The following ZMYND11 variants were observed in gnomAD, a reference collection of about 807,000 sequenced individuals.
ZMYND11 encodes zinc finger MYND domain-containing protein 11.
A neutral mutation model predicts 84.9 loss-of-function variants in ZMYND11; 9 were observed. The observed-to-expected ratio is 0.11, with a 90% confidence interval of 0.06 to 0.18. The LOEUF (loss-of-function observed/expected upper bound fraction) is 0.18. Among genes scored for constraint, ZMYND11 ranks in the 10% least tolerant of loss-of-function variants. The probability of loss-of-function intolerance (pLI) is 1.00; values close to 1 mark genes in which losing one functional copy is unlikely to be tolerated. For missense variants in ZMYND11, 409 were observed against 761.0 expected (o/e 0.54, Z 5.44); for synonymous variants, 250 against 244.1 (o/e 1.02, Z -0.23).
In ZMYND11 at chr10:230,630, G is replaced by A. The variant is rs550859879; in HGVS notation, c.439-6208G>A. ...GTGAGCTATTGGTGACATTATTCTTGATTGTTAGAAGTCAGCAATTGATAT... is the reference window on the plus strand; with the variant it reads ...GTGAGCTATTGGTGACATTATTCTTAATTGTTAGAAGTCAGCAATTGATAT... On this transcript the variant is annotated intron_variant, in intron 4 of 14. Coordinates refer to ENST00000381604, the MANE Select transcript of ZMYND11 (RefSeq NM_001370100.5). Among the ~76,000 whole-genome samples the A allele has an allele frequency of 5.3e-5, 8 of 152,190 alleles. No individual in the cohort carries two copies. In the South Asian group the frequency reaches 1.7e-3, roughly 32 times the overall value.
chr10:199,291 C>G (rs1467792498), intron 2 of ZMYND11, among the ~76,000 whole-genome samples: 8 of 66,608 alleles, frequency 1.2e-4, no homozygotes, highest in African/African-American at 3.8e-4. Flanking sequence ...CCCTCCCTCC[C>G]TCACTCCCTC....
intron 2 of ZMYND11, 95 bp from the exon 3 acceptor site, chr10:209,794 C>A (rs1399528081): frequency 1.9e-5 from 23 of 1,228,418 alleles, no homozygotes; most frequent in Non-Finnish European, 2.5e-5. Context: ...AAATACAAGT[C>A]ATAATGAAAG....
At chr10:163,232 C>T (rs572251136) in intron 1 of ZMYND11, among the ~76,000 whole-genome samples, 2 of 152,234 alleles carry the variant, frequency 1.3e-5, no homozygotes, top group South Asian at 2.1e-4. Context: ...CCATCACCCC[C>T]CCACTACCTG....
At chr10:136,435 G>T (rs1423978738) in intron 1 of ZMYND11, among the ~76,000 whole-genome samples, 2 of 152,116 alleles carry the variant, frequency 1.3e-5, no homozygotes, top group African/African-American at 4.8e-5. Context: ...CGCAGTACCG[G>T]GGATTATATA....
At chr10:151,899 G>T (rs559678086) in intron 1 of ZMYND11, among the ~76,000 whole-genome samples, 2 of 152,296 alleles carry the variant, frequency 1.3e-5, no homozygotes, top group South Asian at 4.1e-4. Flanking sequence ...GAAGAGAGTG[G>T]GGACCAATAT....
chr10:153,808 A>T (rs929236642), intron 1 of ZMYND11, among the ~76,000 whole-genome samples: 1 of 152,216 alleles, frequency 6.6e-6, no homozygotes, highest in Non-Finnish European at 1.5e-5. Flanking sequence ...GTGTCGTTGT[A>T]AAACAAGCCA....
At chr10:207,742 A>T (rs566755203) in intron 2 of ZMYND11, among the ~76,000 whole-genome samples, 1 of 152,220 alleles carries the variant, frequency 6.6e-6, no homozygotes, top group Non-Finnish European at 1.5e-5. Flanking sequence ...TATAGATTCA[A>T]TGCCATCCCC....
chr10:177,398 A>T (rs1169551838), intron 1 of ZMYND11, among the ~76,000 whole-genome samples: 2 of 152,092 alleles, frequency 1.3e-5, no homozygotes, highest in African/African-American at 4.8e-5. Flanking sequence ...ATTACAAGGT[A>T]TGTTTATTTT....
At chr10:182,373 T>C (rs1848063593) in intron 2 of ZMYND11, among the ~76,000 whole-genome samples, 1 of 152,234 alleles carries the variant, frequency 6.6e-6, no homozygotes, top group Non-Finnish European at 1.5e-5. Flanking sequence ...TCTCCTTTCT[T>C]CATCAGCATA....
intron 2 of ZMYND11, among the ~76,000 whole-genome samples, chr10:200,322 TA>T (rs980467234): frequency 1.9e-4 from 28 of 143,604 alleles, no homozygotes; most frequent in Non-Finnish European, 2.6e-4. Flanking sequence ...ATATAACATA[TA>T]ATATGTATTA....
At chr10:202,613 G>A (rs1352951679) in intron 2 of ZMYND11, among the ~76,000 whole-genome samples, 1 of 152,064 alleles carries the variant, frequency 6.6e-6, no homozygotes, top group Non-Finnish European at 1.5e-5. Flanking sequence ...GTTTTGCGTT[G>A]TTGTCATTCG....
intron 3 of ZMYND11, chr10:218,582 CT>C: frequency 4.0e-6 from 1 of 251,864 alleles, no homozygotes; most frequent in Non-Finnish European, 8.6e-6. Context: ...CTTAGGCTAG[CT>C]TAGTTAACTC....
In ZMYND11 at chr10:230,303, T is replaced by C. The variant is rs559096247; in HGVS notation, c.439-6535T>C. 6.9e-4 allele frequency among the ~76,000 whole-genome samples: 105 copies of C among 151,668 alleles called. 2 individuals are homozygous for C. Among genetic ancestry groups the C allele is most frequent in the Middle Eastern group, 6.8e-3 (2 of 292 alleles). On this transcript the variant is annotated intron_variant, in intron 4 of 14. Transcript: ENST00000381604. ...TCCTGGCCAATATGGTGAAACTCTGTCTCTACTAAAAATACAAAAATTAGC... is the reference window on the plus strand; with the variant it reads ...TCCTGGCCAATATGGTGAAACTCTGCCTCTACTAAAAATACAAAAATTAGC...
chr10:235,612 G>T (rs918948042), intron 4 of ZMYND11, among the ~76,000 whole-genome samples: 17 of 152,182 alleles, frequency 1.1e-4, no homozygotes, highest in Non-Finnish European at 2.1e-4. Flanking sequence ...GCCCAGCCAC[G>T]TTGTATAAAA....
chr10:136,058 C>T (rs1409364545), intron 1 of ZMYND11, among the ~76,000 whole-genome samples: 2 of 151,884 alleles, frequency 1.3e-5, no homozygotes, highest in African/African-American at 4.8e-5. Flanking sequence ...GAGCGGCGGG[C>T]AGGGCTGGCC....
intron 1 of ZMYND11, among the ~76,000 whole-genome samples, chr10:169,780 A>G (rs1844854865): frequency 6.6e-6 from 1 of 152,120 alleles, no homozygotes; most frequent in South Asian, 2.1e-4. Context: ...ACCAATCGAC[A>G]ACAGAATATT....
intron 1 of ZMYND11, chr10:148,591 G>A (rs548822163): frequency 6.6e-5 from 10 of 152,354 alleles, no homozygotes; most frequent in African/African-American, 2.4e-5. Context: ...CCTAGGCAGT[G>A]CCTGATAATT....
chr10:235,270 A>G (rs1464802736), intron 4 of ZMYND11, among the ~76,000 whole-genome samples: 1 of 152,206 alleles, frequency 6.6e-6, no homozygotes, highest in Non-Finnish European at 1.5e-5. Context: ...GCCTGTGGCC[A>G]AATACTGTGC....
At chr10:181,018 T>TTACA (rs1564330391) in intron 2 of ZMYND11, among the ~76,000 whole-genome samples, 3 of 152,174 alleles carry the variant, frequency 2.0e-5, no homozygotes, top group African/African-American at 7.2e-5. Context: ...AAGCTTCTAT[T>TTACA]TACATGTTGT....
Sources: gnomAD v4.1 joint callset for allele counts (sites outside exome capture counted in the v4.1 genomes callset) on GRCh38, gnomAD v4.1.1 for gene constraint, MANE v1.5 for transcripts, NCBI Gene and HGNC (gene_info 2026-07-23, HGNC 2026-07-21) for gene names.